The following ASCC1 variants were observed in gnomAD, a reference collection of about 807,000 sequenced individuals.
ASCC1 encodes ASC-1 complex subunit P50.
In ASCC1, 35 loss-of-function variants were observed where a neutral mutation model predicts 46.6. The observed-to-expected ratio is 0.75, with a 90% CI of 0.57 to 0.99. ASCC1 has a LOEUF of 0.99. Ranked by LOEUF, ASCC1 falls within the 50% of genes least tolerant of loss-of-function variation. The pLI is 0.00. For missense variants in ASCC1, 376 were observed against 428.7 expected (o/e 0.88, Z 1.09); for synonymous variants, 143 against 146.6 (o/e 0.98, Z 0.18).
chr10:72,103,223 C>T (rs1841991205), intron 9 of ASCC1, among the ~76,000 whole-genome samples: 1 of 151,604 alleles, frequency 6.6e-6, no homozygotes, highest in Admixed American at 6.6e-5. Context: ...AGCTCCACCT[C>T]CCGGGTTCAT....
In ASCC1 at chr10:72,102,844, G is replaced by A. The variant is rs1325142822; in HGVS notation, c.958-5394C>T. On this transcript the variant is annotated intron_variant, in intron 9 of 9. Transcript: ENST00000672957. ...ACAAAAATTAGCCAGGCATGGTGGC[G>A]GTCACCTGTAATCCCAGCTACTTGG... is the stretch of plus-strand genomic sequence containing the variant. 12 of 356,714 alleles carry A rather than the reference G, an allele frequency of 3.4e-5. No individual in the cohort carries two copies. Among genetic ancestry groups the A allele is most frequent in the South Asian group, 1.1e-4 (5 of 47,388 alleles). 22.1% of individuals were successfully genotyped at this position (356,714 alleles called of 1,614,324 possible).
At chr10:72,186,897 A>G (rs1210682273) in intron 5 of ASCC1, among the ~76,000 whole-genome samples, 2 of 150,292 alleles carry the variant, frequency 1.3e-5, no homozygotes, top group Non-Finnish European at 3.0e-5. Context: ...CAGCCATGTC[A>G]GCAGCCAAAA....
Position 72,096,933 on chromosome 10 carries a change from TAC to T in ASCC1, c.*399_*400del. 4.4e-6 allele frequency: 2 copies of T among 454,212 alleles called. No homozygotes were observed. Among genetic ancestry groups the T allele is most frequent in the Non-Finnish European group, 4.4e-6 (1 of 226,932 alleles). 28.1% of individuals were successfully genotyped at this position (454,212 alleles called of 1,614,324 possible). On this transcript the variant is annotated 3_prime_UTR_variant, in exon 10 of 10. Coordinates refer to ENST00000672957, the MANE Select transcript of ASCC1 (RefSeq NM_001198800.3). The stretch of plus-strand genomic sequence containing the variant: ...GGAGTGGGAATTACTGTTTAATGGG[TAC>T]AGTTTCCATTTTACAAGCTGAGAAG...
chr10:72,153,427 GTTTGT>G (rs1174782161), intron 6 of ASCC1, among the ~76,000 whole-genome samples: 5 of 148,976 alleles, frequency 3.4e-5, no homozygotes, highest in East Asian at 3.9e-4. Context: ...TTTTTTGTTT[GTTTGT>G]TTTGTTTTGT....
intron 5 of ASCC1, chr10:72,189,897 A>AAGTAC (rs781353920): frequency 7.6e-6 from 5 of 661,434 alleles, no homozygotes; most frequent in Non-Finnish European, 1.3e-5. Flanking sequence ...AAGATTAAGA[A>AAGTAC]AGTACAGCCT....
chr10:72,153,419 T>C (rs1043892251), intron 6 of ASCC1, among the ~76,000 whole-genome samples: 8 of 151,796 alleles, frequency 5.3e-5, no homozygotes, highest in Admixed American at 3.3e-4. Context: ...TTATTTACTT[T>C]TTTGTTTGTT....
At chr10:72,187,651 C>T (rs564634991) in intron 5 of ASCC1, among the ~76,000 whole-genome samples, 3 of 140,742 alleles carry the variant, frequency 2.1e-5, no homozygotes, top group East Asian at 4.3e-4. Flanking sequence ...ACCCGGGAGA[C>T]GGAGCTTGCA....
chr10:72,141,836 T>C (rs1847052015), intron 7 of ASCC1, among the ~76,000 whole-genome samples: 1 of 152,222 alleles, frequency 6.6e-6, no homozygotes, highest in Non-Finnish European at 1.5e-5. Flanking sequence ...TAACTACTTA[T>C]TAGCACTTTT....
rs190587173 is a variant in ASCC1, at chr10:72,206,932, C to T, written c.213-3408G>A. ...CAGCACCACCCTTTATGCAAGTCCC[C>T]TCAATAAATCCTCTGTCTCATTTGC... On this transcript the variant is annotated intron_variant, in intron 3 of 9. Coordinates refer to ENST00000672957, the MANE Select transcript of ASCC1 (RefSeq NM_001198800.3). 7.2e-5 allele frequency among the ~76,000 whole-genome samples: 11 copies of T among 152,282 alleles called. No homozygotes were observed. The East Asian group carries it at 2.1e-3, about 29-fold the overall frequency.
At chr10:72,127,254 A>T (rs1564614626) in intron 9 of ASCC1, among the ~76,000 whole-genome samples, 1 of 152,248 alleles carries the variant, frequency 6.6e-6, no homozygotes, top group Non-Finnish European at 1.5e-5. Flanking sequence ...ATTAGTATCA[A>T]CTTATGTTTC....
intron 9 of ASCC1, among the ~76,000 whole-genome samples, chr10:72,100,398 G>C (rs756724203): frequency 1.3e-5 from 2 of 151,926 alleles, no homozygotes; most frequent in African/African-American, 4.8e-5. Context: ...GATAATTTCT[G>C]TATTTTTCAG....
intron 7 of ASCC1, among the ~76,000 whole-genome samples, chr10:72,139,114 C>CTTTTTTTTTTTTTTTTTTTTT (rs1222967667): frequency 7.7e-6 from 1 of 130,704 alleles, no homozygotes; most frequent in Admixed American, 7.5e-5. Context: ...TTTTCTTTTT[C>CTTTTTTTTTTTTTTTTTTTTT]TTTTTTTTTT....
At chr10:72,131,177 T>C (rs940758221) in intron 8 of ASCC1, among the ~76,000 whole-genome samples, 2 of 152,080 alleles carry the variant, frequency 1.3e-5, no homozygotes, top group African/African-American at 4.8e-5. Flanking sequence ...TCCCAGCACT[T>C]TGGGAGGCCG....
chr10:72,103,006 T>C (rs754377374), intron 9 of ASCC1: 7 of 444,302 alleles, frequency 1.6e-5, no homozygotes, highest in Non-Finnish European at 4.5e-6. Context: ...CAAAGTGAAC[T>C]AGAAATATGT....
chr10:72,150,696 C>T (rs1238862381), intron 7 of ASCC1, among the ~76,000 whole-genome samples: 3 of 152,064 alleles, frequency 2.0e-5, no homozygotes, highest in Non-Finnish European at 4.4e-5. Flanking sequence ...TTGCAGTCTA[C>T]CCATCTGACA....
intron 7 of ASCC1, among the ~76,000 whole-genome samples, chr10:72,152,195 GT>G (rs200836712): frequency 7.1e-5 from 10 of 140,384 alleles, no homozygotes; most frequent in East Asian, 4.1e-4. Flanking sequence ...TGTTTTTTGT[GT>G]TTTTTTTTTG....
At chr10:72,103,898 C>A (rs529153587) in intron 9 of ASCC1, among the ~76,000 whole-genome samples, 2 of 152,176 alleles carry the variant, frequency 1.3e-5, no homozygotes, top group Non-Finnish European at 2.9e-5. Flanking sequence ...AACCTACTTA[C>A]AAAACCTTTA....
intron 9 of ASCC1, among the ~76,000 whole-genome samples, chr10:72,108,071 TTTTTC>T (rs1435478500): frequency 1.6e-4 from 24 of 150,764 alleles, no homozygotes; most frequent in Admixed American, 6.0e-4. Context: ...TTTCTTTTTC[TTTTTC>T]TTTTTTTTTT....
chr10:72,147,924 C>G (rs1847835004), intron 7 of ASCC1, among the ~76,000 whole-genome samples: 1 of 152,136 alleles, frequency 6.6e-6, no homozygotes, highest in Admixed American at 6.5e-5. Flanking sequence ...CTCTGGAGGT[C>G]TCTGAAACTC....
Sources: allele counts gnomAD v4.1 joint callset (sites outside exome capture counted in the v4.1 genomes callset), GRCh38; gene constraint gnomAD v4.1.1; transcripts MANE v1.5; gene names NCBI Gene and HGNC (gene_info 2026-07-23, HGNC 2026-07-21).